Variants in PID1 observed in about 807,000 individuals in gnomAD.
PID1 encodes the protein phosphotyrosine interaction domain containing 1.
A neutral mutation model predicts 19.1 loss-of-function variants in PID1; 10 were observed. The ratio of observed to expected loss-of-function variants is 0.52; its 90% CI spans 0.32 to 0.89. The LOEUF is 0.89. Ranked by LOEUF, PID1 falls within the 40% of genes least tolerant of loss-of-function variation. The probability of loss-of-function intolerance (pLI) is 0.03; values close to 1 mark genes in which losing one functional copy is unlikely to be tolerated. For synonymous variants in PID1, 130 were observed against 116.0 expected (o/e 1.12, Z -0.78); for missense variants, 248 against 285.3 (o/e 0.87, Z 0.94).
chr2:229,240,493 T>C (rs1308077489), intron 1 of PID1, among the ~76,000 whole-genome samples: 1 of 152,186 alleles, frequency 6.6e-6, no homozygotes, highest in African/African-American at 2.4e-5. Flanking sequence ...GAGTTCTGGG[T>C]TGACAGATTG....
chr2:229,075,991 G>A (rs531197472), intron 2 of PID1, among the ~76,000 whole-genome samples: 39 of 152,244 alleles, frequency 2.6e-4, no homozygotes, highest in African/African-American at 8.9e-4. Context: ...TTCACTTCCA[G>A]AAGCAGCAGG....
intron 1 of PID1, among the ~76,000 whole-genome samples, chr2:229,185,095 T>TATATATATCCTAC (rs1691098623): frequency 1.4e-5 from 2 of 147,942 alleles, no homozygotes; most frequent in African/African-American, 5.0e-5. Context: ...ATATATCCTA[T>TATATATATCCTAC]ATATATCCTA....
intron 1 of PID1, among the ~76,000 whole-genome samples, chr2:229,235,378 T>C (rs946962379): frequency 1.3e-5 from 2 of 151,550 alleles, no homozygotes; most frequent in Admixed American, 1.3e-4. Context: ...GCAGGAAGAG[T>C]CTGAAGTCTG....
chr2:229,127,112 T>G (rs1249950147), intron 2 of PID1, among the ~76,000 whole-genome samples: 1 of 152,196 alleles, frequency 6.6e-6, no homozygotes, highest in East Asian at 1.9e-4. Context: ...CACATTTCAT[T>G]GCTCAGATCT....
At position 229,025,680 on chromosome 2, in the gene PID1, G is replaced by A; in HGVS notation, c.606C>T (p.Asn202=). 1.2e-6 allele frequency: 2 copies of A among 1,613,728 alleles called. No homozygotes were observed. Among genetic ancestry groups the A allele is most frequent in the Non-Finnish European group, 1.7e-6 (2 of 1,179,632 alleles). Reference sequence around the variant, plus strand: ...CCTGGGAAACCTCTTCGGAGGAGCTGTTGCTGTGGATCCGCCCGTCGCTCT... The same window carrying A: ...CCTGGGAAACCTCTTCGGAGGAGCTATTGCTGTGGATCCGCCCGTCGCTCT... ...SMKSDGRIHS[N]SSSEEVSQEL... is the part of the protein sequence containing the mutation. Residue 202 remains asparagine, a synonymous_variant, in exon 3 of 3, where the codon AAC becomes AAT. Coordinates refer to ENST00000392055, the MANE Select transcript of PID1 (RefSeq NM_001100818.2).
intron 2 of PID1, among the ~76,000 whole-genome samples, chr2:229,122,556 C>T (rs545441473): frequency 6.6e-6 from 1 of 152,080 alleles, no homozygotes; most frequent in East Asian, 1.9e-4. Context: ...CACACCAAGG[C>T]AGGCAGATTT....
intron 2 of PID1, among the ~76,000 whole-genome samples, chr2:229,046,817 T>C (rs1053175570): frequency 1.3e-5 from 2 of 152,208 alleles, no homozygotes; most frequent in African/African-American, 2.4e-5. Flanking sequence ...TCAAAATGCA[T>C]AGAAAATCCC....
chr2:229,124,753 A>G (rs1695588503), intron 2 of PID1, among the ~76,000 whole-genome samples: 1 of 152,206 alleles, frequency 6.6e-6, no homozygotes, highest in African/African-American at 2.4e-5. Flanking sequence ...TAAATTAAAT[A>G]TTCTCAGTTC....
At chr2:229,059,637 A>C (rs1176797127) in intron 2 of PID1, among the ~76,000 whole-genome samples, 1 of 152,186 alleles carries the variant, frequency 6.6e-6, no homozygotes, top group Non-Finnish European at 1.5e-5. Context: ...CTGTACACTA[A>C]ATTAAATCAA....
At chr2:229,140,403 A>C (rs1016188117) in intron 2 of PID1, among the ~76,000 whole-genome samples, 6 of 152,100 alleles carry the variant, frequency 3.9e-5, no homozygotes, top group Admixed American at 2.6e-4. Flanking sequence ...ACTGCAGTGA[A>C]GTTATGGATT....
At position 229,270,966 on chromosome 2, in the gene PID1, G is replaced by A. The variant is rs1485726703; in HGVS notation, c.30+48C>T. ...AAGCAAAAACTAGGTTCCTCTGCCC[G>A]GGCACCTCCTCCTCCAGGCTGGCCC... On this transcript the variant is annotated intron_variant, in intron 1 of 2. Transcript: ENST00000392055. 6.1e-6 allele frequency: 9 copies of A among 1,484,458 alleles called. No homozygotes were observed. In the African/African-American group the frequency reaches 9.6e-5, roughly 16 times the overall value. The allele number at this position is 1,484,458 out of a possible 1,614,324, so 92.0% of individuals were successfully genotyped here.
chr2:229,150,035 C>T (rs532468360), intron 2 of PID1, among the ~76,000 whole-genome samples: 2 of 151,924 alleles, frequency 1.3e-5, no homozygotes, highest in African/African-American at 2.4e-5. Context: ...GTCAGGAGTG[C>T]GAGACCAGCC....
At chr2:229,041,433 A>C (rs1276371859) in intron 2 of PID1, among the ~76,000 whole-genome samples, 1 of 152,218 alleles carries the variant, frequency 6.6e-6, no homozygotes, top group Non-Finnish European at 1.5e-5. Context: ...TAAATAGATA[A>C]ATGAATAAAT....
At chr2:229,047,178 A>C (rs1693899870) in intron 2 of PID1, among the ~76,000 whole-genome samples, 1 of 152,196 alleles carries the variant, frequency 6.6e-6, no homozygotes, top group African/African-American at 2.4e-5. Context: ...ACCAATGTTC[A>C]TGCCAAGGAT....
rs556673940 is a variant in PID1, at chr2:229,060,165, TAC to T, written c.178-34059_178-34058del. On this transcript the variant is annotated intron_variant, in intron 2 of 2. Transcript: ENST00000392055. ...GTCTACTTTTTTAGCCATTTTGAAA[TAC>T]ACAGTGTATTATTTATTATAGTCAC... 3.6e-3 allele frequency among the ~76,000 whole-genome samples: 541 copies of T among 152,248 alleles called. 3 individuals are homozygous for T. The highest frequency in any genetic ancestry group is 5.4e-3 in the Non-Finnish European group (370 of 67,998).
intron 1 of PID1, among the ~76,000 whole-genome samples, chr2:229,212,780 C>A (rs1040156925): frequency 2.6e-5 from 4 of 151,970 alleles, no homozygotes; most frequent in Admixed American, 1.3e-4. Flanking sequence ...ATTGAGGATT[C>A]GTTACTGAAC....
intron 2 of PID1, among the ~76,000 whole-genome samples, chr2:229,077,197 T>C (rs1325706925): frequency 6.6e-6 from 1 of 151,686 alleles, no homozygotes; most frequent in Non-Finnish European, 1.5e-5. Context: ...TTTTGAAAAG[T>C]GTCTGTTCAT....
At chr2:229,129,141 C>A (rs1415191612) in intron 2 of PID1, among the ~76,000 whole-genome samples, 1 of 152,198 alleles carries the variant, frequency 6.6e-6, no homozygotes, top group Non-Finnish European at 1.5e-5. Context: ...AATACAGAAT[C>A]AGGACTTGAG....
At chr2:229,164,058 C>T (rs1690550297) in intron 1 of PID1, among the ~76,000 whole-genome samples, 1 of 152,138 alleles carries the variant, frequency 6.6e-6, no homozygotes, top group Non-Finnish European at 1.5e-5. Context: ...TTAGCTCCAG[C>T]TGACTGTTGC....
Sources: allele counts gnomAD v4.1 joint callset (sites outside exome capture counted in the v4.1 genomes callset), GRCh38; gene constraint gnomAD v4.1.1; transcripts MANE v1.5; gene names NCBI Gene and HGNC (gene_info 2026-07-23, HGNC 2026-07-21).